SLC6A11: variants seen among roughly 807,000 people sequenced by gnomAD.
SLC6A11 encodes solute carrier family 6 member 11, also known as sodium- and chloride-dependent GABA transporter 3.
SLC6A11 carries 25 observed loss-of-function variants against 74.8 expected under a neutral mutation model. The ratio of observed to expected loss-of-function variants is 0.33; its 90% CI spans 0.24 to 0.47. SLC6A11 has a LOEUF of 0.47. SLC6A11 is among the 20% of genes least tolerant of loss of function. The pLI, the probability that SLC6A11 is intolerant of heterozygous loss-of-function variation, is 1.00. For synonymous variants in SLC6A11, 330 were observed against 330.2 expected, an observed-to-expected ratio of 1.00 and a Z score of 0.01; for missense variants, 574 against 837.0, an observed-to-expected ratio of 0.69 and a Z score of 3.88.
In SLC6A11 at chr3:10,898,255, C is replaced by G. The variant is rs916510879; in HGVS notation, c.892-13835C>G. Among the ~76,000 whole-genome samples the G allele has an allele frequency of 2.0e-5, 3 of 152,206 alleles. No individual in the cohort carries two copies. In the South Asian group the frequency reaches 6.2e-4, roughly 32 times the overall value. On this transcript the variant is annotated intron_variant, in intron 6 of 13. Transcript: ENST00000254488. ...CCCTATTGTTTTGGGGATTAACATTCGGCTCCTGGTTACTTATGCAAATTT... is the reference window on the plus strand; with the variant it reads ...CCCTATTGTTTTGGGGATTAACATTGGGCTCCTGGTTACTTATGCAAATTT...
intron 6 of SLC6A11, among the ~76,000 whole-genome samples, chr3:10,885,367 C>T (rs1318812890): frequency 6.6e-6 from 1 of 152,108 alleles, no homozygotes; most frequent in Non-Finnish European, 1.5e-5. Context: ...AGCTCTGCCT[C>T]CCCTATAAAT....
chr3:10,859,474 A>G (rs887011749), intron 5 of SLC6A11, among the ~76,000 whole-genome samples: 27 of 152,178 alleles, frequency 1.8e-4, no homozygotes, highest in African/African-American at 6.5e-4. Flanking sequence ...TGACTCTGCA[A>G]TGTCTGTGAC....
At chr3:10,877,822 C>T (rs1418343811) in intron 6 of SLC6A11, among the ~76,000 whole-genome samples, 1 of 152,228 alleles carries the variant, frequency 6.6e-6, no homozygotes, top group East Asian at 1.9e-4. Flanking sequence ...TTCCTACAGG[C>T]CTGCAAAATC....
At chr3:10,861,296 G>T (rs1694700419) in intron 5 of SLC6A11, among the ~76,000 whole-genome samples, 1 of 152,174 alleles carries the variant, frequency 6.6e-6, no homozygotes, top group African/African-American at 2.4e-5. Context: ...TGGGAGGCTT[G>T]CTTGAGCCCA....
intron 6 of SLC6A11, among the ~76,000 whole-genome samples, chr3:10,876,306 G>A (rs1331824746): frequency 1.3e-5 from 2 of 152,196 alleles, no homozygotes; most frequent in Admixed American, 1.3e-4. Flanking sequence ...CAGAATCCCT[G>A]GGAAGAAGGA....
At chr3:10,842,137 A>G (rs1694446158) in intron 4 of SLC6A11, among the ~76,000 whole-genome samples, 1 of 152,110 alleles carries the variant, frequency 6.6e-6, no homozygotes, top group African/African-American at 2.4e-5. Context: ...GAGCCGGTGT[A>G]TTTCTCTGGG....
Position 10,918,922 on chromosome 3 carries a change from C to T in SLC6A11, c.1120+469C>T, listed in dbSNP as rs545748059. ...CATAGTGCTGGACTCAGCGTGGCCA[C>T]AAAGCCCTGTGTTGCCCGGCTCCTG... On this transcript the variant is annotated intron_variant, in intron 8 of 13. Transcript: ENST00000254488. This position sits in a 1 kb window ranked among gnomAD's most constrained non-coding sequence, Gnocchi z 4.5. Among the ~76,000 whole-genome samples, 8 of 152,168 alleles carry T rather than the reference C, an allele frequency of 5.3e-5. No individual in the cohort carries two copies. The highest frequency in any genetic ancestry group is 2.0e-4 in the Admixed American group (3 of 15,300).
chr3:10,894,680 T>A (rs977096108), intron 6 of SLC6A11, among the ~76,000 whole-genome samples: 1 of 152,178 alleles, frequency 6.6e-6, no homozygotes, highest in African/African-American at 2.4e-5. Flanking sequence ...GGATATAAGA[T>A]GTCAGTGCCA....
At chr3:10,818,404 G>A (rs952484215) in intron 1 of SLC6A11, among the ~76,000 whole-genome samples, 1 of 152,106 alleles carries the variant, frequency 6.6e-6, no homozygotes, top group African/African-American at 2.4e-5. Flanking sequence ...TGGGATATCT[G>A]CTTCTCAACT....
intron 8 of SLC6A11, among the ~76,000 whole-genome samples, 163 bp from the exon 9 acceptor site, chr3:10,925,840 AT>A (rs1017501311): frequency 5.3e-5 from 8 of 152,170 alleles, no homozygotes; most frequent in African/African-American, 1.9e-4. Context: ...GGGCATCAGA[AT>A]AGCACCAAAC....
chr3:10,935,178 G>C lies in SLC6A11; in HGVS notation c.1725G>C (p.Lys575Asn), dbSNP rs751534778. 11 of 1,614,098 alleles carry C rather than the reference G, an allele frequency of 6.8e-6. No homozygotes were observed. In the Admixed American group the frequency reaches 1.7e-4, roughly 24 times the overall value. The change falls in exon 13 of 14, where the codon AAG becomes AAC. Residue 575 changes from lysine (K) to asparagine (N), a missense_variant. By Grantham distance (94) the Lys-to-Asn change is moderately conservative. Coordinates refer to ENST00000254488, the MANE Select transcript of SLC6A11 (RefSeq NM_014229.3). Reference sequence around the variant, plus strand: ...TCTGGATCTGCATCACAGTGTGGAAGACGGAGGGGACACTGCCCGAGGTGA... The same window carrying C: ...TCTGGATCTGCATCACAGTGTGGAACACGGAGGGGACACTGCCCGAGGTGA... Reference protein sequence around the residue: ...IPLWICITVWKTEGTLPEKLQ... With the variant: ...IPLWICITVWNTEGTLPEKLQ...
intron 4 of SLC6A11, among the ~76,000 whole-genome samples, chr3:10,829,830 C>A (rs1694271515): frequency 6.6e-6 from 1 of 152,170 alleles, no homozygotes; most frequent in African/African-American, 2.4e-5. Context: ...TATGTGGATT[C>A]TTTTTAAGAT....
At chr3:10,862,376 G>A (rs1203460885) in intron 5 of SLC6A11, among the ~76,000 whole-genome samples, 7 of 152,124 alleles carry the variant, frequency 4.6e-5, no homozygotes, top group Non-Finnish European at 5.9e-5. Flanking sequence ...GTAGAGCTAC[G>A]TAAAAATCAG....
intron 5 of SLC6A11, among the ~76,000 whole-genome samples, chr3:10,853,853 A>T (rs1010747172): frequency 1.3e-5 from 2 of 152,210 alleles, no homozygotes; most frequent in Non-Finnish European, 2.9e-5. Context: ...CACGTGACAG[A>T]GCCAGCACAG....
At chr3:10,832,424 A>G (rs61250717) in intron 4 of SLC6A11, among the ~76,000 whole-genome samples, 3,504 of 152,290 alleles carry the variant, frequency 0.023, 118 homozygotes, top group African/African-American at 0.079. Flanking sequence ...AGATTTGCCA[A>G]TTCACCAAAG....
chr3:10,895,897 C>T (rs1695165638), intron 6 of SLC6A11, among the ~76,000 whole-genome samples: 1 of 152,208 alleles, frequency 6.6e-6, no homozygotes, highest in Non-Finnish European at 1.5e-5. Flanking sequence ...TTTTTAGGAG[C>T]AAGCGTCGTC....
intron 4 of SLC6A11, among the ~76,000 whole-genome samples, chr3:10,827,424 C>G (rs1017659669): frequency 6.6e-6 from 1 of 152,148 alleles, no homozygotes; most frequent in Non-Finnish European, 1.5e-5. Context: ...ACAGAGCATA[C>G]CTAATTCCAT....
At chr3:10,836,296 G>C (rs1694366072) in intron 4 of SLC6A11, among the ~76,000 whole-genome samples, 1 of 152,128 alleles carries the variant, frequency 6.6e-6, no homozygotes, top group Non-Finnish European at 1.5e-5. Context: ...TTCTACCTTG[G>C]GCTATTACGA....
At chr3:10,873,414 CCT>C (rs1694854155) in intron 5 of SLC6A11, among the ~76,000 whole-genome samples, 1 of 148,218 alleles carries the variant, frequency 6.7e-6, no homozygotes, top group African/African-American at 2.5e-5. Context: ...CCTATCCTAT[CCT>C]ATCCTATCCT....
Sources: gnomAD v4.1 joint callset for allele counts (sites outside exome capture counted in the v4.1 genomes callset) on GRCh38, gnomAD v4.1.1 for gene constraint, Gnocchi (gnomAD v3.1) non-coding constraint, MANE v1.5 for transcripts, NCBI Gene and HGNC (gene_info 2026-07-23, HGNC 2026-07-21) for gene names.